The following EML4 variants were observed in gnomAD, a reference collection of about 807,000 sequenced individuals.
EML4 encodes EMAP like 4.
In EML4, 72 loss-of-function variants were observed where a neutral mutation model predicts 129.0. The observed-to-expected ratio is 0.56, with a 90% CI of 0.46 to 0.68. The LOEUF (loss-of-function observed/expected upper bound fraction) is 0.68, where lower values mean the gene tolerates loss of function less well. Among genes scored for constraint, EML4 ranks in the 30% least tolerant of loss-of-function variants. The pLI, the probability that EML4 is intolerant of heterozygous loss-of-function variation, is 0.00. For missense variants in EML4, 1,363 were observed against 1,190.6 expected (o/e 1.14, Z -2.13); for synonymous variants, 532 against 405.0 (o/e 1.31, Z -3.77).
At chr2:42,236,878 A>G (rs1368586603) in intron 1 of EML4, among the ~76,000 whole-genome samples, 1 of 152,092 alleles carries the variant, frequency 6.6e-6, no homozygotes, top group Non-Finnish European at 1.5e-5. Context: ...AGTATTTTGG[A>G]TGGTTTCAAT....
intron 17 of EML4, among the ~76,000 whole-genome samples, chr2:42,310,391 C>T (rs1003140752): frequency 5.3e-5 from 8 of 151,864 alleles, no homozygotes; most frequent in African/African-American, 1.9e-4. Flanking sequence ...GTCTCCCAGG[C>T]TGGAGTGCAG....
intron 1 of EML4, among the ~76,000 whole-genome samples, chr2:42,239,364 C>G (rs889035197): frequency 2.0e-5 from 3 of 152,154 alleles, no homozygotes; most frequent in Non-Finnish European, 4.4e-5. Context: ...TGACACATTT[C>G]TCAACAGTTC....
At chr2:42,180,564 C>A (rs1227564049) in intron 1 of EML4, among the ~76,000 whole-genome samples, 1 of 152,140 alleles carries the variant, frequency 6.6e-6, no homozygotes, top group African/African-American at 2.4e-5. Flanking sequence ...TCTTTGCAAC[C>A]TTTACCTAGC....
chr2:42,244,718 C>G (rs1029753284), intron 1 of EML4, among the ~76,000 whole-genome samples: 10 of 152,102 alleles, frequency 6.6e-5, no homozygotes, highest in African/African-American at 1.9e-4. Flanking sequence ...AAAGATGCTT[C>G]CTCATCATTG....
intron 20 of EML4, 62 bp downstream of exon 20, chr2:42,325,616 A>ATGAT (rs1408570024): frequency 1.2e-5 from 1 of 80,570 alleles, no homozygotes; most frequent in Non-Finnish European, 1.8e-5. Context: ...ATATATATAT[A>ATGAT]TATATATATA....
chr2:42,289,721 A>G (rs1156298450), intron 11 of EML4: 1 of 151,962 alleles, frequency 6.6e-6, no homozygotes, highest in Non-Finnish European at 1.5e-5. Context: ...ACCGTGTCCC[A>G]AATATCTGCA....
intron 1 of EML4, among the ~76,000 whole-genome samples, chr2:42,201,152 G>A (rs1243594335): frequency 6.6e-6 from 1 of 152,186 alleles, no homozygotes; most frequent in East Asian, 1.9e-4. Flanking sequence ...TTGGCTACAT[G>A]CTAGCTGGAA....
intron 1 of EML4, among the ~76,000 whole-genome samples, chr2:42,198,043 A>G (rs2103943658): frequency 6.6e-6 from 1 of 152,276 alleles, no homozygotes; most frequent in Admixed American, 6.5e-5. Flanking sequence ...GTAAAGTGGT[A>G]CTAATACAAG....
rs978298893 is a variant in EML4, at chr2:42,330,583, A to C, written c.*376A>C. ...TTCAGGAACAACCAGAGGTATCACA[A>C]ACACTGTTACTCATCTACTGGCTCA... On this transcript the variant is annotated 3_prime_UTR_variant, in exon 23 of 23. Transcript: ENST00000318522. 2.4e-6 allele frequency: 1 copy of C among 417,908 alleles called. No individual in the cohort carries two copies. The highest frequency in any genetic ancestry group is 2.0e-5 in the African/African-American group (1 of 50,276). The allele number at this position is 417,908 out of a possible 1,614,324, so 25.9% of individuals were successfully genotyped here.
At chr2:42,302,869 C>A (rs187104370) in intron 14 of EML4, among the ~76,000 whole-genome samples, 54 of 152,056 alleles carry the variant, frequency 3.6e-4, no homozygotes, top group Admixed American at 3.5e-3. Context: ...CTCCTAAAGT[C>A]ATATAAAATA....
intron 6 of EML4, 117 bp from the exon 7 acceptor site, chr2:42,280,733 C>T (rs1419993342): frequency 1.6e-5 from 12 of 762,774 alleles, no homozygotes. Context: ...TATAATGAGA[C>T]TAAAACTTTG....
At chr2:42,250,964 C>G (rs1158751581) in intron 2 of EML4, among the ~76,000 whole-genome samples, 2 of 152,140 alleles carry the variant, frequency 1.3e-5, no homozygotes, top group African/African-American at 4.8e-5. Flanking sequence ...ACCTAGATCC[C>G]TCACATGTAC....
At chr2:42,301,082 C>A (rs1287171400) in intron 13 of EML4, among the ~76,000 whole-genome samples, 159 bp from the exon 14 acceptor site, 1 of 152,146 alleles carries the variant, frequency 6.6e-6, no homozygotes, top group Non-Finnish European at 1.5e-5. Context: ...AACTTTACTA[C>A]CTGCTTTGCA....
At chr2:42,270,873 A>T (rs1243841771) in intron 6 of EML4, among the ~76,000 whole-genome samples, 1 of 152,200 alleles carries the variant, frequency 6.6e-6, no homozygotes, top group Non-Finnish European at 1.5e-5. Context: ...GTGGAGACAC[A>T]TACTTAATTC....
chr2:42,280,806 A>G (rs900784093), intron 6 of EML4, 44 bp from the exon 7 acceptor site: 2 of 1,508,636 alleles, frequency 1.3e-6, no homozygotes, highest in Admixed American at 2.0e-5. Flanking sequence ...GTATGACTAT[A>G]CAGAAAATAC....
At chr2:42,268,819 T>C (rs923032000) in intron 6 of EML4, among the ~76,000 whole-genome samples, 2 of 152,208 alleles carry the variant, frequency 1.3e-5, no homozygotes, top group Non-Finnish European at 2.9e-5. Flanking sequence ...AAAATGTTTT[T>C]TTCAGACTTG....
chr2:42,312,271 C>A (rs1394721486), intron 17 of EML4, among the ~76,000 whole-genome samples: 2 of 152,008 alleles, frequency 1.3e-5, no homozygotes, highest in African/African-American at 2.4e-5. Flanking sequence ...TAAGCCCCCC[C>A]CCACCATCGT....
rs541753298 is a variant in EML4, at chr2:42,286,650, A to G, written c.1122+271A>G. Among the ~76,000 whole-genome samples the G allele has an allele frequency of 1.8e-4, 28 of 152,354 alleles. 1 individual carries two copies. The South Asian group carries it at 5.6e-3, about 30-fold the overall frequency. ...GTAGAGCTCCCATGTAGTAGCAGGA[A>G]GTGGTTAGAGGAATATATACAAAGC... On this transcript the variant is annotated intron_variant, in intron 10 of 22. Transcript: ENST00000318522.
At chr2:42,232,152 C>G (rs952635166) in intron 1 of EML4, among the ~76,000 whole-genome samples, 7 of 152,046 alleles carry the variant, frequency 4.6e-5, no homozygotes, top group Admixed American at 3.9e-4. Context: ...GAGACTGGGT[C>G]TCACAAGCTT....
Sources: allele counts gnomAD v4.1 joint callset (sites outside exome capture counted in the v4.1 genomes callset), GRCh38; gene constraint gnomAD v4.1.1; transcripts MANE v1.5; gene names NCBI Gene and HGNC (gene_info 2026-07-23, HGNC 2026-07-21).